ACBD3: variants seen among roughly 807,000 people sequenced by gnomAD.
ACBD3 encodes the protein Golgi resident protein GCP60.
Under a neutral mutation model 66.9 loss-of-function variants are expected in ACBD3, and 30 were observed. The ratio of observed to expected loss-of-function variants is 0.45; its 90% CI spans 0.34 to 0.61. The LOEUF (loss-of-function observed/expected upper bound fraction) is 0.61. Ranked by LOEUF, ACBD3 falls within the 20% of genes least tolerant of loss-of-function variation. The pLI is 0.02. For missense variants in ACBD3, 544 were observed against 664.5 expected, an observed-to-expected ratio of 0.82 and a Z score of 1.99; for synonymous variants, 278 against 259.8, an observed-to-expected ratio of 1.07 and a Z score of -0.68.
Position 226,146,356 on chromosome 1 carries a change from C to A in ACBD3, c.*254G>T. On this transcript the variant is annotated 3_prime_UTR_variant, in exon 8 of 8. Coordinates refer to ENST00000366812, the MANE Select transcript of ACBD3 (RefSeq NM_022735.4). ...AATATTTAACATGTAGCTCATGTAACTTCAGCATCCACTAGTGACTCTGCT... is the reference window on the plus strand; with the variant it reads ...AATATTTAACATGTAGCTCATGTAAATTCAGCATCCACTAGTGACTCTGCT... 2.3e-6 allele frequency: 1 copy of A among 430,188 alleles called. No individual in the cohort carries two copies. The highest frequency in any genetic ancestry group is 2.9e-5 in the South Asian group (1 of 34,012). The allele number at this position is 430,188 out of a possible 1,614,324, so 26.6% of individuals were successfully genotyped here. A position where few individuals can be genotyped will look rare whatever the true frequency, so the allele number is the denominator to read the frequency against.
intron 5 of ACBD3, among the ~76,000 whole-genome samples, chr1:226,155,849 T>C (rs890277860): frequency 2.6e-5 from 4 of 152,244 alleles, no homozygotes; most frequent in Admixed American, 1.3e-4. Context: ...TGTCACTGTT[T>C]ATATAGTTAT....
intron 3 of ACBD3, 71 bp from the exon 4 acceptor site, chr1:226,161,760 G>A: frequency 6.8e-7 from 1 of 1,480,522 alleles, no homozygotes; most frequent in Non-Finnish European, 8.9e-7. Context: ...TAGCTCCCAG[G>A]GAAAACTGAC....
intron 1 of ACBD3, among the ~76,000 whole-genome samples, chr1:226,174,328 G>A (rs758253960): frequency 3.5e-4 from 53 of 151,976 alleles, no homozygotes; most frequent in Admixed American, 4.6e-4. Context: ...GCTTTCTATG[G>A]CAAACAAAAC....
chr1:226,146,637 G>A lies in ACBD3; in HGVS notation c.1560C>T (p.Val520=), dbSNP rs1659458006. 1 of 1,613,874 alleles carries A rather than the reference G, an allele frequency of 6.2e-7. No homozygotes were observed. Among genetic ancestry groups the A allele is most frequent in the Non-Finnish European group, 8.5e-7 (1 of 1,179,990 alleles). The change falls in exon 8 of 8, where the codon GTC becomes GTT. Residue 520 remains valine, a synonymous_variant. Coordinates refer to ENST00000366812, the MANE Select transcript of ACBD3 (RefSeq NM_022735.4). Reference sequence around the variant, plus strand: ...ATCTAGTATAATAGACTCTGTAGTAGACTGATTTTGACCGCCACAAAGAGT... The same window carrying A: ...ATCTAGTATAATAGACTCTGTAGTAAACTGATTTTGACCGCCACAAAGAGT... ...NSYSLWRSKS[V]YYRVYYTR is the part of the protein sequence containing the mutation.
intron 7 of ACBD3, among the ~76,000 whole-genome samples, chr1:226,151,544 T>C (rs1440900494): frequency 6.6e-6 from 1 of 152,164 alleles, no homozygotes; most frequent in South Asian, 2.1e-4. Context: ...TCTAGCAAAA[T>C]AGGGATTTCC....
intron 7 of ACBD3, among the ~76,000 whole-genome samples, chr1:226,149,983 C>A (rs1212158821): frequency 6.6e-6 from 1 of 151,918 alleles, no homozygotes; most frequent in African/African-American, 2.4e-5. Flanking sequence ...TTGAAGGTCA[C>A]ATGAGAAAAC....
At chr1:226,167,498 G>A (rs1172627710) in intron 1 of ACBD3, among the ~76,000 whole-genome samples, 5 of 152,070 alleles carry the variant, frequency 3.3e-5, no homozygotes, top group African/African-American at 9.7e-5. Context: ...TTAAGAGTGC[G>A]ACCAGTTTGA....
intron 7 of ACBD3, among the ~76,000 whole-genome samples, chr1:226,147,748 C>T (rs948046601): frequency 2.6e-5 from 4 of 151,952 alleles, no homozygotes; most frequent in African/African-American, 7.3e-5. Flanking sequence ...AGGTTTGCCC[C>T]GGTTAAGAGT....
rs1252569099 is a variant in ACBD3 at position 226,145,979 on chromosome 1, CAATT to C, written c.*627_*630del. Reference sequence around the variant, plus strand: ...CTACGTATCTTGATACTTCAATTATCAATTAGTTTTGAACATTCTAGTTTAAGAT... The same window carrying C: ...CTACGTATCTTGATACTTCAATTATCAGTTTTGAACATTCTAGTTTAAGAT... On this transcript the variant is annotated 3_prime_UTR_variant, in exon 8 of 8. Transcript: ENST00000366812. The C allele has an allele frequency of 6.6e-6, 1 of 152,604 alleles. No individual in the cohort carries two copies. Among genetic ancestry groups the C allele is most frequent in the African/African-American group, 2.4e-5 (1 of 41,428 alleles). The allele number at this position is 152,604 out of a possible 1,614,324, so 9.5% of individuals were successfully genotyped here.
chr1:226,164,581 C>T (rs533209985), intron 3 of ACBD3, among the ~76,000 whole-genome samples: 2 of 152,188 alleles, frequency 1.3e-5, no homozygotes, highest in East Asian at 1.9e-4. Context: ...TTTAAAGGCA[C>T]GGCCAGTAGG....
At chr1:226,181,337 G>C (rs531429559) in intron 1 of ACBD3, among the ~76,000 whole-genome samples, 2 of 152,118 alleles carry the variant, frequency 1.3e-5, no homozygotes, top group Non-Finnish European at 2.9e-5. Flanking sequence ...AAACATTAAG[G>C]AAGCCATTTA....
intron 1 of ACBD3, among the ~76,000 whole-genome samples, chr1:226,174,895 C>T (rs1054411676): frequency 2.0e-5 from 3 of 151,642 alleles, no homozygotes; most frequent in African/African-American, 7.3e-5. Context: ...GAGGTCAGGA[C>T]CAGCCTGACC....
intron 1 of ACBD3, among the ~76,000 whole-genome samples, chr1:226,177,164 GT>G (rs35506283): frequency 0.58 from 75,910 of 130,380 alleles, 21,754 homozygotes; most frequent in Admixed American, 0.65. Flanking sequence ...CCATGTAGCT[GT>G]TTTTTTTTTT....
At chr1:226,182,210 A>G (rs374857866) in intron 1 of ACBD3, among the ~76,000 whole-genome samples, 6 of 151,586 alleles carry the variant, frequency 4.0e-5, no homozygotes, top group African/African-American at 1.4e-4. Flanking sequence ...TAGCCTGCAT[A>G]ACAAAACCAG....
intron 1 of ACBD3, among the ~76,000 whole-genome samples, chr1:226,181,769 T>C (rs1242692851): frequency 6.6e-6 from 1 of 152,140 alleles, no homozygotes; most frequent in Admixed American, 6.5e-5. Context: ...AATAAAGTAT[T>C]AGAGAAGGAA....
intron 1 of ACBD3, among the ~76,000 whole-genome samples, chr1:226,174,036 T>A (rs1217261612): frequency 1.3e-5 from 2 of 152,100 alleles, no homozygotes; most frequent in Non-Finnish European, 2.9e-5. Context: ...AGACCTGGGA[T>A]TACAGTGTGA....
intron 6 of ACBD3, among the ~76,000 whole-genome samples, chr1:226,153,277 A>G (rs1558123880): frequency 6.6e-6 from 1 of 151,632 alleles, no homozygotes; most frequent in Non-Finnish European, 1.5e-5. Context: ...CCTTGATAAG[A>G]AAAAAAAAGG....
At chr1:226,186,282 G>C (rs1240559238) in intron 1 of ACBD3, 108 bp downstream of exon 1, 5 of 1,324,506 alleles carry the variant, frequency 3.8e-6, no homozygotes, top group Non-Finnish European at 4.9e-6. Context: ...CCACAGCCCA[G>C]TATGAGTGGG....
At chr1:226,166,543 T>TG (rs1659881319) in intron 1 of ACBD3, among the ~76,000 whole-genome samples, 1 of 151,142 alleles carries the variant, frequency 6.6e-6, no homozygotes, top group Non-Finnish European at 1.5e-5. Flanking sequence ...TGGAATGCAG[T>TG]GGCACAATCA....
Sources: allele counts gnomAD v4.1 joint callset (sites outside exome capture counted in the v4.1 genomes callset), GRCh38; gene constraint gnomAD v4.1.1; transcripts MANE v1.5; gene names NCBI Gene and HGNC (gene_info 2026-07-23, HGNC 2026-07-21).